The following IGF1 variants were observed in gnomAD, a reference collection of about 807,000 sequenced individuals.
The protein encoded by IGF1 is insulin-like growth factor 1.
A neutral mutation model predicts 13.8 loss-of-function variants in IGF1; 4 were observed. The ratio of observed to expected loss-of-function variants is 0.29; its 90% CI spans 0.14 to 0.66. IGF1 has a LOEUF of 0.66. IGF1 is among the 30% of genes least tolerant of loss of function. The pLI is 0.78. For missense variants in IGF1, 124 were observed against 188.5 expected (o/e 0.66, Z 2.00); for synonymous variants, 76 against 72.6 (o/e 1.05, Z -0.23).
chr12:102,418,556 A>C (rs1031878546), intron 3 of IGF1, among the ~76,000 whole-genome samples: 4 of 152,196 alleles, frequency 2.6e-5, no homozygotes, highest in African/African-American at 9.7e-5. Context: ...ACATGTTGGC[A>C]TTTCTTTTTT....
Position 102,426,215 on chromosome 12 carries a change from T to C in IGF1, c.221-6525A>G, listed in dbSNP as rs571469175. 2.8e-4 allele frequency among the ~76,000 whole-genome samples: 43 copies of C among 152,338 alleles called. 1 individual carries two copies. In the South Asian group the frequency reaches 8.9e-3, roughly 32 times the overall value. On this transcript the variant is annotated intron_variant, in intron 2 of 3. Transcript: ENST00000337514. ...AGTCTGGATTCTACTGTTTCTTTAC[T>C]GTTAAGCTTTCATTTGGCAAAGGAC... is the stretch of plus-strand genomic sequence containing the variant.
chr12:102,417,184 C>G (rs1232715103), intron 3 of IGF1, among the ~76,000 whole-genome samples: 1 of 149,456 alleles, frequency 6.7e-6, no homozygotes, highest in East Asian at 2.0e-4. Context: ...CAAACTTATA[C>G]ATCTTTTATA....
intron 2 of IGF1, among the ~76,000 whole-genome samples, chr12:102,441,930 T>TCTTCTCCTTCTC (rs1877822040): frequency 7.6e-6 from 1 of 131,800 alleles, no homozygotes; most frequent in Admixed American, 8.7e-5. Flanking sequence ...TTCTTCTTCT[T>TCTTCTCCTTCTC]CTTCTTCTTC....
chr12:102,474,127 A>C (rs1207000058), intron 2 of IGF1, among the ~76,000 whole-genome samples: 1 of 152,234 alleles, frequency 6.6e-6, no homozygotes, highest in East Asian at 1.9e-4. Context: ...AGTAGCTGCA[A>C]ATTATAGAAT....
At chr12:102,478,731 T>TC in intron 1 of IGF1, 2 of 1,130,858 alleles carry the variant, frequency 1.8e-6, no homozygotes, top group Non-Finnish European at 2.3e-6. Flanking sequence ...GTCAATCTTT[T>TC]CCCCCCAGTC....
intron 3 of IGF1, among the ~76,000 whole-genome samples, chr12:102,408,845 T>C (rs191238703): frequency 4.6e-4 from 70 of 152,122 alleles, no homozygotes; most frequent in African/African-American, 1.6e-3. Context: ...ACCAATCTAC[T>C]CTCTCTCTCT....
intron 3 of IGF1, chr12:102,418,049 A>T: frequency 6.3e-7 from 1 of 1,594,078 alleles, no homozygotes; most frequent in African/African-American, 1.4e-5. Flanking sequence ...AGTGGTTCCC[A>T]TGGTGTCCCT....
chr12:102,406,076 G>A (rs1323011331), intron 3 of IGF1, among the ~76,000 whole-genome samples: 2 of 152,246 alleles, frequency 1.3e-5, no homozygotes, highest in Non-Finnish European at 2.9e-5. Context: ...GTACCAAGTA[G>A]CATGATTCCC....
At chr12:102,444,717 G>A (rs1878164279) in intron 2 of IGF1, among the ~76,000 whole-genome samples, 1 of 152,068 alleles carries the variant, frequency 6.6e-6, no homozygotes, top group South Asian at 2.1e-4. Context: ...CTGCTACATT[G>A]AAAGCACTGC....
chr12:102,424,327 T>A (rs1385338964), intron 2 of IGF1, among the ~76,000 whole-genome samples: 1 of 151,916 alleles, frequency 6.6e-6, no homozygotes, highest in African/African-American at 2.4e-5. Flanking sequence ...TTCAATTATA[T>A]GTCTGATAAA....
At chr12:102,421,573 C>T (rs958194798) in intron 2 of IGF1, among the ~76,000 whole-genome samples, 1 of 152,066 alleles carries the variant, frequency 6.6e-6, no homozygotes, top group African/African-American at 2.4e-5. Flanking sequence ...GTATCTTTTG[C>T]CCATTACAGG....
chr12:102,475,213 T>C (rs144188228), intron 2 of IGF1, among the ~76,000 whole-genome samples: 1 of 152,162 alleles, frequency 6.6e-6, no homozygotes, highest in Non-Finnish European at 1.5e-5. Flanking sequence ...CAGATCCACA[T>C]GACTGGAGAG....
intron 2 of IGF1, among the ~76,000 whole-genome samples, chr12:102,420,886 T>C (rs1261667275): frequency 6.6e-6 from 1 of 152,238 alleles, no homozygotes; most frequent in African/African-American, 2.4e-5. Context: ...TCAATCTTAA[T>C]TCCTGACAGA....
chr12:102,453,719 A>G (rs777309160), intron 2 of IGF1, among the ~76,000 whole-genome samples: 2 of 152,224 alleles, frequency 1.3e-5, no homozygotes. Flanking sequence ...GGATGGAAGA[A>G]GAAGCAAAGA....
At chr12:102,448,024 C>T (rs2137129940) in intron 2 of IGF1, among the ~76,000 whole-genome samples, 1 of 152,024 alleles carries the variant, frequency 6.6e-6, no homozygotes, top group African/African-American at 2.4e-5. Context: ...ATCTATCCAT[C>T]TGACAAAGGG....
intron 2 of IGF1, among the ~76,000 whole-genome samples, chr12:102,428,010 C>T (rs1876361811): frequency 6.6e-6 from 1 of 151,666 alleles, no homozygotes; most frequent in African/African-American, 2.4e-5. Context: ...TAGCACAGTG[C>T]CATATGCAGA....
chr12:102,444,074 G>C (rs895429278), intron 2 of IGF1, among the ~76,000 whole-genome samples: 2 of 151,798 alleles, frequency 1.3e-5, no homozygotes, highest in African/African-American at 4.8e-5. Flanking sequence ...TGATCCGCCT[G>C]CCTCAGCCTC....
chr12:102,430,800 C>A (rs1464521398), intron 2 of IGF1, among the ~76,000 whole-genome samples: 1 of 152,198 alleles, frequency 6.6e-6, no homozygotes, highest in Non-Finnish European at 1.5e-5. Context: ...GTCTTCTCAT[C>A]GAGCCAGTGC....
In IGF1 at chr12:102,419,660, C is replaced by T. The variant is rs1565970471; in HGVS notation, c.251G>A (p.Arg84Gln). Residue 84 changes from arginine (R) to glutamine (Q), a missense_variant, in exon 3 of 4, where the codon CGG becomes CAG. Arg to Gln is a conservative substitution (Grantham distance 43). Coordinates refer to ENST00000337514, the MANE Select transcript of IGF1 (RefSeq NM_000618.5). ...CACGATGCCTGTCTGAGGCGCCCTC[C>T]GACTGCTGGAGCCATACCCTGTGGG... ...NKPTGYGSSS[R>Q]RAPQTGIVDE... The T allele has an allele frequency of 3.1e-6, 5 of 1,613,216 alleles. No homozygotes were observed. The highest frequency in any genetic ancestry group is 4.2e-6 in the Non-Finnish European group (5 of 1,180,020).
Sources: gnomAD v4.1 joint callset for allele counts (sites outside exome capture counted in the v4.1 genomes callset) on GRCh38, gnomAD v4.1.1 for gene constraint, MANE v1.5 for transcripts, NCBI Gene and HGNC (gene_info 2026-07-23, HGNC 2026-07-21) for gene names.